Variants in RNF130 observed in about 807,000 individuals in gnomAD.
RNF130 encodes ring finger protein 130.
A neutral mutation model predicts 44.6 loss-of-function variants in RNF130; 21 were observed. That is an observed-to-expected ratio of 0.47 (90% CI 0.33 to 0.68). RNF130 has a LOEUF of 0.68. Among genes scored for constraint, RNF130 ranks in the 30% least tolerant of loss-of-function variants. RNF130 has a pLI of 0.02. For missense variants in RNF130, 479 were observed against 560.6 expected (o/e 0.85, Z 1.47); for synonymous variants, 214 against 210.4 (o/e 1.02, Z -0.15).
intron 8 of RNF130, among the ~76,000 whole-genome samples, chr5:179,958,998 A>T (rs1296660085): frequency 6.6e-6 from 1 of 152,124 alleles, no homozygotes; most frequent in Non-Finnish European, 1.5e-5. Context: ...TCTTTCTTAT[A>T]TCAAGTGGAA....
intron 3 of RNF130, among the ~76,000 whole-genome samples, chr5:179,994,517 T>C (rs1034174261): frequency 1.3e-5 from 2 of 152,180 alleles, no homozygotes; most frequent in Non-Finnish European, 2.9e-5. Context: ...ATCCTGAGGA[T>C]GTTACTATGA....
At chr5:180,010,068 A>AG in intron 3 of RNF130, among the ~76,000 whole-genome samples, 1 of 151,962 alleles carries the variant, frequency 6.6e-6, no homozygotes, top group African/African-American at 2.4e-5. Context: ...TAACACGGTG[A>AG]AACCCCATCT....
intron 7 of RNF130, among the ~76,000 whole-genome samples, chr5:179,921,729 G>A (rs906397435): frequency 1.4e-4 from 22 of 152,134 alleles, no homozygotes; most frequent in Middle Eastern, 3.4e-3. Flanking sequence ...CCCAGGAGGT[G>A]GAGGTTGCAG....
rs929979825 is a variant in RNF130 at position 180,047,328 on chromosome 5, G to A, written c.248-6681C>T. Among the ~76,000 whole-genome samples the A allele has an allele frequency of 8.5e-5, 13 of 152,152 alleles. 1 individual carries two copies. Among genetic ancestry groups the A allele is most frequent in the African/African-American group, 2.4e-4 (10 of 41,414 alleles). Reference sequence around the variant, plus strand: ...ATGGCAGCTACTGGACTTAGGTGGAGCTTTCATTCTCTTTATCCACTTCCA... The same window carrying A: ...ATGGCAGCTACTGGACTTAGGTGGAACTTTCATTCTCTTTATCCACTTCCA... On this transcript the variant is annotated intron_variant, in intron 1 of 8. Coordinates refer to ENST00000521389, the MANE Select transcript of RNF130 (RefSeq NM_018434.6).
At position 180,040,704 on chromosome 5, in the gene RNF130, T is replaced by A. The variant is rs907272635; in HGVS notation, c.248-57A>T. On this transcript the variant is annotated intron_variant, in intron 1 of 8. Coordinates refer to ENST00000521389, the MANE Select transcript of RNF130 (RefSeq NM_018434.6). ...ATAAATAAAACTGACCAAGTCTTTA[T>A]CAAAGTGTCAACTGCTTTCTGAATA... The A allele has an allele frequency of 7.4e-6, 11 of 1,493,218 alleles. No individual in the cohort carries two copies. In the East Asian group the frequency reaches 1.4e-4, roughly 19 times the overall value. The allele number at this position is 1,493,218 out of a possible 1,614,324, so 92.5% of individuals were successfully genotyped here. A position where few individuals can be genotyped will look rare whatever the true frequency, so the allele number is the denominator to read the frequency against.
intron 5 of RNF130, among the ~76,000 whole-genome samples, chr5:179,975,887 T>G (rs1007584551): frequency 6.6e-6 from 1 of 152,214 alleles, no homozygotes; most frequent in Non-Finnish European, 1.5e-5. Flanking sequence ...GGCCTGGACC[T>G]TGGTGGCAGG....
chr5:179,932,021 A>G (rs1761815176), intron 7 of RNF130, among the ~76,000 whole-genome samples: 1 of 152,200 alleles, frequency 6.6e-6, no homozygotes, highest in Non-Finnish European at 1.5e-5. Context: ...TATTATTTGC[A>G]GCCTTTAAAA....
At chr5:180,002,889 G>T (rs1281645813) in intron 3 of RNF130, among the ~76,000 whole-genome samples, 4 of 151,786 alleles carry the variant, frequency 2.6e-5, no homozygotes, top group African/African-American at 9.7e-5. Flanking sequence ...ATTTCTAATG[G>T]GTCATTTTCC....
intron 7 of RNF130, among the ~76,000 whole-genome samples, chr5:179,938,966 G>A (rs1036654037): frequency 2.0e-5 from 3 of 152,094 alleles, no homozygotes; most frequent in Admixed American, 6.6e-5. Flanking sequence ...AGCAGCTCAC[G>A]CCTATAATGC....
At chr5:180,048,859 G>C (rs1244463931) in intron 1 of RNF130, among the ~76,000 whole-genome samples, 1 of 152,142 alleles carries the variant, frequency 6.6e-6, no homozygotes, top group Non-Finnish European at 1.5e-5. Context: ...GTGGGAGACA[G>C]AAAAAGCCAA....
intron 3 of RNF130, among the ~76,000 whole-genome samples, chr5:179,985,654 G>A (rs945425532): frequency 6.6e-6 from 1 of 152,166 alleles, no homozygotes; most frequent in Non-Finnish European, 1.5e-5. Context: ...GGTCCTCCCT[G>A]TTTTGCAATT....
At chr5:180,011,083 C>T (rs1430362369) in intron 3 of RNF130, among the ~76,000 whole-genome samples, 1 of 152,222 alleles carries the variant, frequency 6.6e-6, no homozygotes, top group African/African-American at 2.4e-5. Flanking sequence ...AGCAAATCTA[C>T]ATTTTCACAA....
chr5:180,063,312 G>A (rs901018290), intron 1 of RNF130, among the ~76,000 whole-genome samples: 13 of 152,228 alleles, frequency 8.5e-5, no homozygotes, highest in African/African-American at 2.9e-4. Context: ...AGATACGTAC[G>A]ATCCATTCTA....
At chr5:179,972,582 G>A (rs1357608429) in intron 5 of RNF130, among the ~76,000 whole-genome samples, 1 of 151,990 alleles carries the variant, frequency 6.6e-6, no homozygotes, top group Non-Finnish European at 1.5e-5. Context: ...AGGAGTGAGA[G>A]GTATCCAGAT....
intron 5 of RNF130, among the ~76,000 whole-genome samples, chr5:179,970,883 A>C (rs1325123230): frequency 1.3e-5 from 2 of 152,234 alleles, no homozygotes; most frequent in African/African-American, 4.8e-5. Flanking sequence ...AAAGATACTA[A>C]ATCATGGCTA....
intron 3 of RNF130, among the ~76,000 whole-genome samples, chr5:179,988,331 T>C (rs1427934031): frequency 2.6e-5 from 4 of 152,222 alleles, no homozygotes; most frequent in African/African-American, 7.2e-5. Context: ...TTTAGCCATT[T>C]ATCTATTGAA....
downstream of RNF130, among the ~76,000 whole-genome samples, chr5:179,950,133 G>C (rs1762104083): frequency 6.6e-6 from 1 of 151,378 alleles, no homozygotes; most frequent in South Asian, 2.1e-4. Context: ...TTTTTCTTGA[G>C]ATAGAGTCTC....
chr5:179,924,813 AT>A (rs1370935985), intron 7 of RNF130, among the ~76,000 whole-genome samples: 3 of 152,098 alleles, frequency 2.0e-5, no homozygotes, highest in African/African-American at 7.2e-5. Flanking sequence ...TAAATAAAAA[AT>A]TTAAAATGGG....
rs546944170 is a variant in RNF130, at chr5:180,005,085, C to T, written c.693+7976G>A. On this transcript the variant is annotated intron_variant, in intron 3 of 8. Coordinates refer to ENST00000521389, the MANE Select transcript of RNF130 (RefSeq NM_018434.6). The stretch of plus-strand genomic sequence containing the variant: ...TTCCTCTTTTCATAGCTCCTTCTCC[C>T]TAAGTCTCTCGCACCAGAAAAGAAT... 2.0e-5 allele frequency among the ~76,000 whole-genome samples: 3 copies of T among 152,276 alleles called. No homozygotes were observed. The South Asian group carries it at 6.2e-4, about 32-fold the overall frequency.
Sources: allele counts gnomAD v4.1 joint callset (sites outside exome capture counted in the v4.1 genomes callset), GRCh38; gene constraint gnomAD v4.1.1; transcripts MANE v1.5; gene names NCBI Gene and HGNC (gene_info 2026-07-23, HGNC 2026-07-21).